PPFIBP2: variants seen among roughly 807,000 people sequenced by gnomAD.
PPFIBP2 encodes the protein liprin-beta-2.
A neutral mutation model predicts 118.3 loss-of-function variants in PPFIBP2; 118 were observed. That is an observed-to-expected ratio of 1.00 (90% CI 0.86 to 1.16). PPFIBP2 has a LOEUF of 1.16. PPFIBP2 is among the 50% of genes most tolerant of loss of function. The probability of loss-of-function intolerance (pLI) is 0.00; values close to 1 mark genes in which losing one functional copy is unlikely to be tolerated. For missense variants in PPFIBP2, 1,195 were observed against 1,073.1 expected (o/e 1.11, Z -1.59); for synonymous variants, 414 against 397.4 (o/e 1.04, Z -0.50).
chr11:7,664,567 G>T, the PPFIBP2 span, among the ~76,000 whole-genome samples: 8 of 152,176 alleles, frequency 5.3e-5, no homozygotes, highest in African/African-American at 1.9e-4. Context: ...TCTGTTCCCT[G>T]AGCAGCAAAA....
rs200518620 is a variant in PPFIBP2 at position 7,649,711 on chromosome 11, C to G, written c.2121+57C>G. The stretch of plus-strand genomic sequence containing the variant: ...CCCTGAGCCAGGACCCCTGAAACAT[C>G]GAGCATGAGCAAACAAGAATGACAT... On this transcript the variant is annotated intron_variant, in intron 21 of 23. Transcript: ENST00000299492. 8.7e-4 allele frequency: 1,399 copies of G among 1,599,926 alleles called. 2 individuals are homozygous for G. Among genetic ancestry groups the G allele is most frequent in the Admixed American group, 2.2e-3 (126 of 57,838 alleles).
rs143746060 is a variant in PPFIBP2 at position 7,516,336 on chromosome 11, C to T, written c.-37+2215C>T. On this transcript the variant is annotated intron_variant, in intron 1 of 23. Coordinates refer to ENST00000299492, the MANE Select transcript of PPFIBP2 (RefSeq NM_003621.5). Reference sequence around the variant, plus strand: ...GAGGTGGGGACAGGTAGGGAGACTTCGGAGAGATAGAATCTGTAGGACAGA... The same window carrying T: ...GAGGTGGGGACAGGTAGGGAGACTTTGGAGAGATAGAATCTGTAGGACAGA... Among the ~76,000 whole-genome samples the T allele has an allele frequency of 1.2e-3, 180 of 151,954 alleles. 1 individual carries two copies. The highest frequency in any genetic ancestry group is 4.2e-3 in the African/African-American group (173 of 41,442).
chr11:7,602,505 C>A (rs1196613797), intron 5 of PPFIBP2, among the ~76,000 whole-genome samples: 1 of 152,146 alleles, frequency 6.6e-6, no homozygotes, highest in Admixed American at 6.6e-5. Context: ...ATCACTGACC[C>A]TTCTCTAGAG....
At chr11:7,547,710 A>T (rs1457819457) in intron 1 of PPFIBP2, among the ~76,000 whole-genome samples, 2 of 151,928 alleles carry the variant, frequency 1.3e-5, no homozygotes, top group Admixed American at 1.3e-4. Flanking sequence ...CAGGGCCCTG[A>T]GGTGCCACTG....
chr11:7,641,674 TG>T, intron 16 of PPFIBP2, 54 bp downstream of exon 16: 3 of 1,563,718 alleles, frequency 1.9e-6, no homozygotes, highest in Non-Finnish European at 2.6e-6. Context: ...TCTTTTTGAT[TG>T]GGCAAAGAGT....
intron 1 of PPFIBP2, among the ~76,000 whole-genome samples, chr11:7,518,637 A>G (rs1428900984): frequency 6.6e-6 from 1 of 152,164 alleles, no homozygotes; most frequent in African/African-American, 2.4e-5. Context: ...GATAACGTAG[A>G]GGTCATGCCA....
intron 1 of PPFIBP2, among the ~76,000 whole-genome samples, chr11:7,535,014 C>T (rs1167898715): frequency 1.3e-5 from 2 of 152,228 alleles, no homozygotes; most frequent in Admixed American, 1.3e-4. Context: ...ACTTCCTTTG[C>T]CAAGGTGGCT....
Position 7,606,886 on chromosome 11 carries a change from ATTTTTTTTTTTTTTTTTTTTTT to A in PPFIBP2, c.487-3384_487-3363del, listed in dbSNP as rs529585905. Reference sequence around the variant, plus strand: ...CTGATCAGAAGACAAAACTGCATGAATTTTTTTTTTTTTTTTTTTTTTTTTTTTTTTTTTTTTTTTTTGAGAC... The same window carrying A: ...CTGATCAGAAGACAAAACTGCATGAATTTTTTTTTTTTTTTTTTTTGAGAC... On this transcript the variant is annotated intron_variant, in intron 5 of 23. Coordinates refer to ENST00000299492, the MANE Select transcript of PPFIBP2 (RefSeq NM_003621.5). 4.7e-4 allele frequency among the ~76,000 whole-genome samples: 24 copies of A among 51,442 alleles called. No homozygotes were observed. The East Asian group carries it at 5.9e-3, about 13-fold the overall frequency. 33.7% of individuals were successfully genotyped at this position (51,442 alleles called of 152,430 possible). A position where few individuals can be genotyped will look rare whatever the true frequency, so the allele number is the denominator to read the frequency against.
At chr11:7,651,477 T>G in intron 22 of PPFIBP2, 179 bp from the exon 23 acceptor site, 2 of 567,420 alleles carry the variant, frequency 3.5e-6, no homozygotes, top group East Asian at 5.6e-5. Flanking sequence ...TGTGCTAGTA[T>G]GTGCTCAGAG....
At chr11:7,581,842 T>TAGA (rs1486812685) in intron 3 of PPFIBP2, among the ~76,000 whole-genome samples, 6 of 134,962 alleles carry the variant, frequency 4.4e-5, no homozygotes, top group African/African-American at 2.0e-4. Flanking sequence ...GATAGATAGA[T>TAGA]TTTTTTTTTT....
chr11:7,578,448 G>A (rs1856780010), intron 3 of PPFIBP2, among the ~76,000 whole-genome samples: 1 of 152,222 alleles, frequency 6.6e-6, no homozygotes, highest in Admixed American at 6.5e-5. Context: ...CAGCTTGGAA[G>A]GGGCATGCAG....
At position 7,616,936 on chromosome 11, in the gene PPFIBP2, A is replaced by G. The variant is rs1052783435; in HGVS notation, c.619-3999A>G. On this transcript the variant is annotated intron_variant, in intron 6 of 23. Coordinates refer to ENST00000299492, the MANE Select transcript of PPFIBP2 (RefSeq NM_003621.5). The surrounding 1 kb of genome is among the most constrained non-coding windows in gnomAD (Gnocchi z 5.2). ...TCTGGATGGGGCAGGCCTGAGGAAA[A>G]ATGCCATGTCTTTTGGTTCTGTTGT... Among the ~76,000 whole-genome samples, 6 of 151,968 alleles carry G rather than the reference A, an allele frequency of 3.9e-5. No homozygotes were observed. Among genetic ancestry groups the G allele is most frequent in the Non-Finnish European group, 7.4e-5 (5 of 67,998 alleles).
chr11:7,653,168 C>G lies in PPFIBP2; in HGVS notation c.2581C>G (p.Leu861Val). The change falls in exon 24 of 24, where the codon CTT (leucine) becomes GTT (valine). Residue 861 changes from leucine to valine, a missense_variant. By Grantham distance (32) the Leu-to-Val change is conservative (BLOSUM62 1). Coordinates refer to ENST00000299492, the MANE Select transcript of PPFIBP2 (RefSeq NM_003621.5). ...CAGTGGCTACCGGGGCCTCAGCCCC[C>G]TTGATGCCCCTGAACTGGATGGGCT... is the stretch of plus-strand genomic sequence containing the variant. Reference protein sequence around the residue: ...VYSGYRGLSPLDAPELDGLDQ... With the variant: ...VYSGYRGLSPVDAPELDGLDQ... 1 of 1,614,208 alleles carries G rather than the reference C, an allele frequency of 6.2e-7. No homozygotes were observed. The highest frequency in any genetic ancestry group is 1.1e-5 in the South Asian group (1 of 91,086).
At chr11:7,592,715 G>T (rs1859557627) in intron 3 of PPFIBP2, among the ~76,000 whole-genome samples, 1 of 152,214 alleles carries the variant, frequency 6.6e-6, no homozygotes, top group Admixed American at 6.5e-5. Flanking sequence ...CAAGATCTGT[G>T]CAGAAGCTGT....
At chr11:7,597,819 A>C in intron 5 of PPFIBP2, 146 bp downstream of exon 5, 1 of 658,974 alleles carries the variant, frequency 1.5e-6, no homozygotes, top group Non-Finnish European at 2.6e-6. Context: ...CGGTGTTTAT[A>C]CAGCAGGTGA....
chr11:7,596,119 T>C (rs1860241931), intron 4 of PPFIBP2, among the ~76,000 whole-genome samples: 2 of 152,198 alleles, frequency 1.3e-5, no homozygotes, highest in African/African-American at 4.8e-5. Context: ...AGAGATCCTA[T>C]GATTCCTTGA....
chr11:7,637,757 C>T (rs900748611), intron 14 of PPFIBP2, among the ~76,000 whole-genome samples: 2 of 152,214 alleles, frequency 1.3e-5, no homozygotes, highest in Non-Finnish European at 2.9e-5. Context: ...TTCTTCCCAG[C>T]CCTTATTCTT....
chr11:7,632,991 T>C, intron 12 of PPFIBP2, 57 bp downstream of exon 12: 2 of 1,497,690 alleles, frequency 1.3e-6, no homozygotes, highest in Non-Finnish European at 1.9e-6. Flanking sequence ...GCCTTGGGGC[T>C]GCCGAAGTAG....
intron 2 of PPFIBP2, among the ~76,000 whole-genome samples, chr11:7,562,929 T>TATA (rs1854461778): frequency 1.2e-5 from 1 of 86,544 alleles, no homozygotes. Flanking sequence ...AATTAAAGTT[T>TATA]TATATATATA....
Sources: allele counts gnomAD v4.1 joint callset (sites outside exome capture counted in the v4.1 genomes callset), GRCh38; gene constraint gnomAD v4.1.1; non-coding constraint Gnocchi (gnomAD v3.1); transcripts MANE v1.5; gene names NCBI Gene and HGNC (gene_info 2026-07-23, HGNC 2026-07-21).